The following SMAP1 variants were observed in gnomAD, a reference collection of about 807,000 sequenced individuals.
The protein encoded by SMAP1 is stromal membrane-associated protein 1.
Under a neutral mutation model 58.5 loss-of-function variants are expected in SMAP1, and 24 were observed. The ratio of observed to expected loss-of-function variants is 0.41; its 90% confidence interval spans 0.30 to 0.58. The LOEUF is 0.58. Among genes scored for constraint, SMAP1 ranks in the 20% least tolerant of loss-of-function variants. The pLI, the probability that SMAP1 is intolerant of heterozygous loss-of-function variation, is 0.29. For synonymous variants in SMAP1, 216 were observed against 196.6 expected (o/e 1.10, Z -0.82); for missense variants, 563 against 566.3 (o/e 0.99, Z 0.06).
intron 2 of SMAP1, among the ~76,000 whole-genome samples, chr6:70,754,736 A>G (rs1290885877): frequency 6.6e-6 from 1 of 152,120 alleles, no homozygotes; most frequent in Non-Finnish European, 1.5e-5. Context: ...TTCACAAAAA[A>G]AGACATTTAG....
intron 4 of SMAP1, among the ~76,000 whole-genome samples, chr6:70,788,566 A>T (rs551717765): frequency 6.6e-6 from 1 of 152,174 alleles, no homozygotes; most frequent in African/African-American, 2.4e-5. Flanking sequence ...TTCCCAGAGG[A>T]AGCAGTTTTA....
intron 1 of SMAP1, among the ~76,000 whole-genome samples, chr6:70,725,969 G>C (rs1768767719): frequency 6.6e-6 from 1 of 152,142 alleles, no homozygotes; most frequent in Admixed American, 6.5e-5. Context: ...AAATCCCCCA[G>C]CCAGTATAAG....
Position 70,860,800 on chromosome 6 carries a change from T to C in SMAP1, c.*466T>C, listed in dbSNP as rs543546225. On this transcript the variant is annotated 3_prime_UTR_variant, in exon 11 of 11. Coordinates refer to ENST00000370455, the MANE Select transcript of SMAP1 (RefSeq NM_001044305.3). ...TCTCACTGAGCACTGTTTTCTAGTG[T>C]ATCAAAATGCTCTTATTTCATCATT... 5.3e-5 allele frequency: 21 copies of C among 398,460 alleles called. No homozygotes were observed. In the South Asian group the frequency reaches 6.4e-4, roughly 12 times the overall value. 24.7% of individuals were successfully genotyped at this position (398,460 alleles called of 1,614,324 possible).
At position 70,793,578 on chromosome 6, in the gene SMAP1, G is replaced by A. The variant is rs552180094; in HGVS notation, c.495+1809G>A. On this transcript the variant is annotated intron_variant, in intron 5 of 10. Coordinates refer to ENST00000370455, the MANE Select transcript of SMAP1 (RefSeq NM_001044305.3). ...GTATGAGGTCACTGTGGAACATTGA[G>A]GTGTTTAGTAGTTGGTTGGATATAC... Among the ~76,000 whole-genome samples, 17 of 151,650 alleles carry A rather than the reference G, an allele frequency of 1.1e-4. No individual in the cohort carries two copies. The East Asian group carries it at 3.3e-3, about 29-fold the overall frequency.
chr6:70,793,545 C>T (rs149575364), intron 5 of SMAP1, among the ~76,000 whole-genome samples: 44 of 150,542 alleles, frequency 2.9e-4, no homozygotes, highest in African/African-American at 1.0e-3. Context: ...AGAAGTTGGA[C>T]GTGTTAAGTA....
intron 1 of SMAP1, among the ~76,000 whole-genome samples, chr6:70,715,857 A>G (rs948680260): frequency 2.0e-5 from 3 of 151,820 alleles, no homozygotes; most frequent in Non-Finnish European, 2.9e-5. Flanking sequence ...CACTAAACCC[A>G]ATTTGTAGTA....
At chr6:70,821,549 A>G (rs1769891829) in intron 6 of SMAP1, among the ~76,000 whole-genome samples, 1 of 152,134 alleles carries the variant, frequency 6.6e-6, no homozygotes, top group African/African-American at 2.4e-5. Flanking sequence ...TAAATGAGTA[A>G]ATTTAATTAG....
chr6:70,759,236 C>T (rs1237592285), intron 3 of SMAP1, among the ~76,000 whole-genome samples: 1 of 151,982 alleles, frequency 6.6e-6, no homozygotes, highest in African/African-American at 2.4e-5. Context: ...TGGTTGTTAC[C>T]AGCTGCTTGC....
chr6:70,734,046 AAAT>A (rs1765528648), intron 2 of SMAP1, among the ~76,000 whole-genome samples: 1 of 152,070 alleles, frequency 6.6e-6, no homozygotes, highest in Non-Finnish European at 1.5e-5. Flanking sequence ...AACAGTTATT[AAAT>A]AATAATATTT....
chr6:70,809,555 A>G (rs1769297502), intron 6 of SMAP1, among the ~76,000 whole-genome samples: 1 of 152,210 alleles, frequency 6.6e-6, no homozygotes, highest in Admixed American at 6.5e-5. Context: ...GCCAGATGCT[A>G]GATTGATAGG....
chr6:70,810,777 G>T (rs1209470274), intron 6 of SMAP1, among the ~76,000 whole-genome samples: 1 of 152,102 alleles, frequency 6.6e-6, no homozygotes, highest in Non-Finnish European at 1.5e-5. Flanking sequence ...AGGTCTCATT[G>T]TGTTGACCAG....
intron 1 of SMAP1, among the ~76,000 whole-genome samples, chr6:70,672,825 G>T (rs1766323109): frequency 6.6e-6 from 1 of 152,054 alleles, no homozygotes; most frequent in Admixed American, 6.6e-5. Flanking sequence ...GGTTCTGAAG[G>T]TGGAGTGGGA....
chr6:70,780,852 C>T (rs1767735313), intron 4 of SMAP1, among the ~76,000 whole-genome samples: 1 of 152,114 alleles, frequency 6.6e-6, no homozygotes, highest in South Asian at 2.1e-4. Flanking sequence ...TTTGTTACTT[C>T]TTTTCATTAC....
intron 6 of SMAP1, among the ~76,000 whole-genome samples, chr6:70,823,702 A>G (rs891408036): frequency 4.6e-5 from 7 of 152,116 alleles, no homozygotes; most frequent in South Asian, 2.1e-4. Context: ...AATACAATGT[A>G]AATGTTATGC....
intron 7 of SMAP1, among the ~76,000 whole-genome samples, chr6:70,845,923 A>G (rs1562199929): frequency 6.6e-6 from 1 of 152,186 alleles, no homozygotes; most frequent in Non-Finnish European, 1.5e-5. Context: ...GCCCTGGTGT[A>G]GGGATTCTAG....
At chr6:70,829,525 A>G (rs1258461742) in intron 6 of SMAP1, among the ~76,000 whole-genome samples, 2 of 152,208 alleles carry the variant, frequency 1.3e-5, no homozygotes, top group African/African-American at 2.4e-5. Flanking sequence ...ATTATTCAGC[A>G]AAAGGCACCA....
chr6:70,776,004 C>G (rs1767531133), intron 4 of SMAP1, among the ~76,000 whole-genome samples: 1 of 152,080 alleles, frequency 6.6e-6, no homozygotes, highest in African/African-American at 2.4e-5. Flanking sequence ...ATTTGGATCA[C>G]TTACTATGCT....
At chr6:70,673,809 A>C (rs948060417) in intron 1 of SMAP1, among the ~76,000 whole-genome samples, 42 of 152,280 alleles carry the variant, frequency 2.8e-4, no homozygotes, top group African/African-American at 9.4e-4. Context: ...GCTGAGATGG[A>C]AATCATTGGT....
chr6:70,768,367 A>T (rs1214622482), intron 3 of SMAP1, among the ~76,000 whole-genome samples: 1 of 152,172 alleles, frequency 6.6e-6, no homozygotes, highest in Admixed American at 6.5e-5. Flanking sequence ...TCGGCTGTGA[A>T]TCCATCTGGT....
Sources: allele counts gnomAD v4.1 joint callset (sites outside exome capture counted in the v4.1 genomes callset), GRCh38; gene constraint gnomAD v4.1.1; transcripts MANE v1.5; gene names NCBI Gene and HGNC (gene_info 2026-07-23, HGNC 2026-07-21).